The following FAM168A variants were observed in gnomAD, a reference collection of about 807,000 sequenced individuals.
FAM168A encodes family with sequence similarity 168 member A.
Under a neutral mutation model 28.5 loss-of-function variants are expected in FAM168A, and 3 were observed. The observed-to-expected ratio is 0.11, with a 90% CI of 0.05 to 0.27. FAM168A has a LOEUF of 0.27. Among genes scored for constraint, FAM168A ranks in the 10% least tolerant of loss-of-function variants. The pLI, the probability that FAM168A is intolerant of heterozygous loss-of-function variation, is 1.00. For missense variants in FAM168A, 222 were observed against 311.5 expected (o/e 0.71, Z 2.16); for synonymous variants, 122 against 124.2 (o/e 0.98, Z 0.12).
intron 1 of FAM168A, among the ~76,000 whole-genome samples, chr11:73,546,553 T>A (rs1590846672): frequency 1.3e-5 from 2 of 152,132 alleles, no homozygotes; most frequent in Admixed American, 6.5e-5. Context: ...ACCAAAATGG[T>A]GAAGCCTTGT....
intron 1 of FAM168A, among the ~76,000 whole-genome samples, chr11:73,592,304 C>T (rs1363354360): frequency 6.6e-6 from 1 of 152,288 alleles, no homozygotes; most frequent in East Asian, 1.9e-4. Context: ...TGTCTTCATA[C>T]AGAAAATAAT....
intron 1 of FAM168A, among the ~76,000 whole-genome samples, chr11:73,586,811 T>C (rs1268114656): frequency 2.0e-5 from 3 of 152,184 alleles, no homozygotes. Flanking sequence ...TGCATAGCTA[T>C]GGATAGTTCT....
rs554248467 is a variant in FAM168A, at chr11:73,490,243, C to A, written c.-18-21751G>T. On this transcript the variant is annotated intron_variant, in intron 1 of 7. Transcript: ENST00000356467. ...ATTCAATCAATTCTCACTACCCTCA[C>A]TTCTACCATCTTAATCTAAATCACT... 3.9e-5 allele frequency among the ~76,000 whole-genome samples: 6 copies of A among 152,326 alleles called. No individual in the cohort carries two copies. The East Asian group carries it at 1.2e-3, about 29-fold the overall frequency.
Position 73,545,012 on chromosome 11 carries a change from A to ATATAATATAT in FAM168A, c.-19+52910_-19+52911insATATATTATA, listed in dbSNP as rs1343089760. Among the ~76,000 whole-genome samples the ATATAATATAT allele has an allele frequency of 1.2e-3, 99 of 82,204 alleles. 13 individuals carry two copies. The highest frequency in any genetic ancestry group is 8.0e-3 in the African/African-American group (90 of 11,242). 53.9% of individuals were successfully genotyped at this position (82,204 alleles called of 152,430 possible). A position where few individuals can be genotyped will look rare whatever the true frequency, so the allele number is the denominator to read the frequency against. On this transcript the variant is annotated intron_variant, in intron 1 of 7. Transcript: ENST00000356467. Reference sequence around the variant, plus strand: ...ATATATAGTATATATAATATACTATATATATAGTATATATAATATATATAT... The same window carrying ATATAATATAT: ...ATATATAGTATATATAATATACTATATATAATATATTATATAGTATATATAATATATATAT...
At chr11:73,547,933 A>G (rs1461163091) in intron 1 of FAM168A, among the ~76,000 whole-genome samples, 1 of 152,202 alleles carries the variant, frequency 6.6e-6, no homozygotes, top group Admixed American at 6.5e-5. Flanking sequence ...CACATGCTAC[A>G]GCATGGATGA....
At chr11:73,573,659 C>A (rs1414545187) in intron 1 of FAM168A, among the ~76,000 whole-genome samples, 1 of 152,148 alleles carries the variant, frequency 6.6e-6, no homozygotes, top group African/African-American at 2.4e-5. Context: ...TGAATTCCGA[C>A]GGGGCACAGT....
chr11:73,484,735 T>G (rs1868030520), intron 1 of FAM168A, among the ~76,000 whole-genome samples: 1 of 144,120 alleles, frequency 6.9e-6, no homozygotes, highest in African/African-American at 2.6e-5. Context: ...TATATATCGA[T>G]ATATAGATAT....
At chr11:73,526,986 C>A (rs1262455653) in intron 1 of FAM168A, among the ~76,000 whole-genome samples, 1 of 151,362 alleles carries the variant, frequency 6.6e-6, no homozygotes, top group Non-Finnish European at 1.5e-5. Flanking sequence ...GTTAGCTTTG[C>A]GGGGACATCT....
intron 1 of FAM168A, among the ~76,000 whole-genome samples, chr11:73,470,820 T>C (rs761476510): frequency 1.3e-5 from 2 of 152,218 alleles, no homozygotes; most frequent in Non-Finnish European, 2.9e-5. Flanking sequence ...ACAACTTACC[T>C]GTAAACATCT....
intron 1 of FAM168A, among the ~76,000 whole-genome samples, chr11:73,502,183 AC>A (rs1163799315): frequency 6.7e-6 from 1 of 149,814 alleles, no homozygotes; most frequent in Admixed American, 6.7e-5. Context: ...GACACAAAAA[AC>A]CCTCAAAAAA....
chr11:73,574,742 T>G (rs925471261), intron 1 of FAM168A, among the ~76,000 whole-genome samples: 202 of 145,898 alleles, frequency 1.4e-3, no homozygotes, highest in African/African-American at 5.1e-3. Flanking sequence ...TTTTTTTTTT[T>G]TAGTAGAGAA....
At chr11:73,431,384 T>G (rs1866991426) in intron 2 of FAM168A, among the ~76,000 whole-genome samples, 1 of 132,418 alleles carries the variant, frequency 7.6e-6, no homozygotes, top group African/African-American at 2.8e-5. Context: ...GAAGCAACAT[T>G]GAAGTTTACA....
chr11:73,409,721 A>G (rs1050553228), intron 5 of FAM168A, 60 bp from the exon 6 acceptor site: 29 of 1,513,530 alleles, frequency 1.9e-5, no homozygotes, highest in Non-Finnish European at 2.4e-5. Flanking sequence ...ATATGGAGAG[A>G]GCAGCACTGG....
At chr11:73,409,061 C>T (rs940070258) in intron 6 of FAM168A, among the ~76,000 whole-genome samples, 7 of 152,066 alleles carry the variant, frequency 4.6e-5, no homozygotes, top group Admixed American at 4.6e-4. Flanking sequence ...TAACCACATC[C>T]CTGCCCTGCT....
chr11:73,441,437 G>A (rs1470794042), intron 2 of FAM168A, among the ~76,000 whole-genome samples: 2 of 152,154 alleles, frequency 1.3e-5, no homozygotes, highest in Non-Finnish European at 2.9e-5. Flanking sequence ...TTTGTTCTGG[G>A]TTTCTACATT....
At chr11:73,586,813 G>A (rs544133775) in intron 1 of FAM168A, among the ~76,000 whole-genome samples, 1 of 152,246 alleles carries the variant, frequency 6.6e-6, no homozygotes, top group South Asian at 2.1e-4. Flanking sequence ...CATAGCTATG[G>A]ATAGTTCTCT....
chr11:73,564,810 C>A (rs1944003221), intron 1 of FAM168A, among the ~76,000 whole-genome samples: 1 of 143,126 alleles, frequency 7.0e-6, no homozygotes, highest in Non-Finnish European at 1.5e-5. Context: ...AATTGCAGAA[C>A]AATGTGGTAA....
rs189340137 is a variant in FAM168A, at chr11:73,583,465, A to C, written c.-19+14458T>G. On this transcript the variant is annotated intron_variant, in intron 1 of 7. Coordinates refer to ENST00000356467, the MANE Select transcript of FAM168A (RefSeq NM_015159.3). ...GTACAAGGTCCCAAGATGGGCTCTG[A>C]GAATAAAAGGATGATCAGATACAAC... 5.9e-4 allele frequency among the ~76,000 whole-genome samples: 90 copies of C among 152,326 alleles called. 1 individual carries two copies. Among genetic ancestry groups the C allele is most frequent in the Admixed American group, 5.8e-3 (89 of 15,306 alleles).
intron 2 of FAM168A, among the ~76,000 whole-genome samples, chr11:73,453,906 T>C (rs1483281438): frequency 1.3e-5 from 2 of 152,200 alleles, no homozygotes. Flanking sequence ...ACATAACTAA[T>C]AGAAAGCTAA....
Sources: allele counts gnomAD v4.1 joint callset (sites outside exome capture counted in the v4.1 genomes callset), GRCh38; gene constraint gnomAD v4.1.1; transcripts MANE v1.5; gene names NCBI Gene and HGNC (gene_info 2026-07-23, HGNC 2026-07-21).